LAMB4: variants seen among roughly 807,000 people sequenced by gnomAD.
The protein encoded by LAMB4 is laminin subunit beta 4, also known as laminin subunit beta-4.
In LAMB4, 196 loss-of-function variants were observed where a neutral mutation model predicts 199.2. The observed-to-expected ratio is 0.98, with a 90% CI of 0.88 to 1.11. LAMB4 has a LOEUF of 1.11. Among genes scored for constraint, LAMB4 ranks in the 50% least tolerant of loss-of-function variants. The pLI, the probability that LAMB4 is intolerant of heterozygous loss-of-function variation, is 0.00. For synonymous variants in LAMB4, 744 were observed against 770.6 expected (o/e 0.97, Z 0.57); for missense variants, 2,080 against 2,171.2 (o/e 0.96, Z 0.83).
the LAMB4 span, among the ~76,000 whole-genome samples, chr7:108,018,176 A>C: frequency 6.6e-6 from 1 of 152,266 alleles, no homozygotes; most frequent in East Asian, 1.9e-4. Flanking sequence ...TGCAAGTTTA[A>C]GCTGGTTGTT....
Position 108,065,926 on chromosome 7 carries a change from A to C in LAMB4, c.2679-7T>G, listed in dbSNP as rs1221109344. On this transcript the variant is annotated splice_polypyrimidine_tract_variant and splice_region_variant and intron_variant, in intron 20 of 33. Transcript: ENST00000388781. ...ATAGTAACCATCAATACACCTGTCA[A>C]GACAATTTCCTTTCACCAAAATGTT... The C allele has an allele frequency of 6.2e-7, 1 of 1,607,994 alleles. No individual in the cohort carries two copies. The highest frequency in any genetic ancestry group is 2.2e-5 in the East Asian group (1 of 44,862).
chr7:108,015,793 C>A, the LAMB4 span, among the ~76,000 whole-genome samples: 1 of 137,576 alleles, frequency 7.3e-6, no homozygotes, highest in African/African-American at 2.7e-5. Context: ...TAAAACAATC[C>A]TATTGAATGT....
At chr7:108,024,876 C>T (rs747173270) in intron 33 of LAMB4, among the ~76,000 whole-genome samples, 6 of 152,160 alleles carry the variant, frequency 3.9e-5, no homozygotes, top group African/African-American at 1.2e-4. Flanking sequence ...TAGAGAGCTA[C>T]AGTTAATAAT....
chr7:108,129,776 G>A (rs140044690), intron 1 of LAMB4, among the ~76,000 whole-genome samples: 96 of 152,252 alleles, frequency 6.3e-4, no homozygotes, highest in African/African-American at 1.5e-3. Context: ...CAATTTGCCT[G>A]CCTCGGCCTC....
chr7:108,035,755 A>G (rs1221653000), intron 30 of LAMB4, among the ~76,000 whole-genome samples: 4 of 151,368 alleles, frequency 2.6e-5, no homozygotes, highest in Non-Finnish European at 5.9e-5. Flanking sequence ...CCTGCTTTTT[A>G]TTTTCAACTT....
In LAMB4 at chr7:108,065,839, T is replaced by C; in HGVS notation, c.2759A>G (p.Asn920Ser). ...ATAACAGGAATGGGCAAAATACTGA[T>C]TGCTTGAGGGATCATCTGGACACAG... ...PCLCPDDPSS[N>S]QYFAHSCYQN... The change falls in exon 21 of 34, where the codon AAT becomes AGT. Residue 920 changes from asparagine to serine, a missense_variant. Transcript: ENST00000388781. 1.9e-6 allele frequency: 3 copies of C among 1,614,082 alleles called. No homozygotes were observed. In the Admixed American group the frequency reaches 5.0e-5, roughly 27 times the overall value.
chr7:108,034,986 T>C (rs2035172223), intron 30 of LAMB4, among the ~76,000 whole-genome samples: 1 of 152,210 alleles, frequency 6.6e-6, no homozygotes. Context: ...AGACAGACCT[T>C]TGCAGAAGCA....
At chr7:108,080,316 G>A (rs919470784) in intron 14 of LAMB4, among the ~76,000 whole-genome samples, 8 of 152,124 alleles carry the variant, frequency 5.3e-5, no homozygotes, top group African/African-American at 1.7e-4. Flanking sequence ...ATCCCTGACG[G>A]TCTCTATACT....
Position 108,049,497 on chromosome 7 carries a change from T to C in LAMB4, c.3951A>G (p.Ile1317Met), listed in dbSNP as rs777938826. Residue 1317 changes from isoleucine (I) to methionine (M), a missense_variant, in exon 27 of 34, where the codon ATA becomes ATG. By Grantham distance (10) the Ile-to-Met change is conservative. Transcript: ENST00000388781. ...TAATTTTCTTTTCAGCAGATGATGA[T>C]ATGTGATAATATTTCTTGATGTTTT... ...SSENIKKYYH[I>M]SSSAEKKINE... 5 of 1,605,882 alleles carry C rather than the reference T, an allele frequency of 3.1e-6. No homozygotes were observed. Among genetic ancestry groups the C allele is most frequent in the South Asian group, 1.1e-5 (1 of 90,732 alleles).
chr7:108,028,147 T>C (rs2034902475), intron 33 of LAMB4, among the ~76,000 whole-genome samples: 1 of 152,196 alleles, frequency 6.6e-6, no homozygotes, highest in African/African-American at 2.4e-5. Context: ...AATCCTTGTC[T>C]AGAATATGAT....
At chr7:108,080,411 C>T (rs1002931540) in intron 14 of LAMB4, among the ~76,000 whole-genome samples, 5 of 152,230 alleles carry the variant, frequency 3.3e-5, no homozygotes, top group Admixed American at 2.6e-4. Context: ...TCACAGCCTC[C>T]GCTCAAATTC....
rs145390250 is a variant in LAMB4 at position 108,045,398 on chromosome 7, T to A, written c.4327-1502A>T. 3.0e-3 allele frequency among the ~76,000 whole-genome samples: 455 copies of A among 152,306 alleles called. 2 individuals are homozygous for A. Among genetic ancestry groups the A allele is most frequent in the African/African-American group, 0.011 (444 of 41,548 alleles). On this transcript the variant is annotated intron_variant, in intron 28 of 33. Transcript: ENST00000388781. Reference sequence around the variant, plus strand: ...GACTCCTGAGAATTCTCTCACAATCTCTTCTGGCACTCTTCCTCCTTCTAA... The same window carrying A: ...GACTCCTGAGAATTCTCTCACAATCACTTCTGGCACTCTTCCTCCTTCTAA...
intron 21 of LAMB4, among the ~76,000 whole-genome samples, chr7:108,064,927 C>A (rs1472278196): frequency 7.3e-6 from 1 of 136,096 alleles, no homozygotes; most frequent in Non-Finnish European, 1.5e-5. Context: ...GAGACAGGGT[C>A]TTGCTCTGTT....
chr7:108,017,370 A>G, the LAMB4 span, among the ~76,000 whole-genome samples: 5 of 152,218 alleles, frequency 3.3e-5, no homozygotes, highest in African/African-American at 1.2e-4. Context: ...AAGAAAAAAT[A>G]AATTGCTTTT....
chr7:108,028,623 C>A (rs1015165222), intron 33 of LAMB4, among the ~76,000 whole-genome samples: 1 of 151,640 alleles, frequency 6.6e-6, no homozygotes, highest in Non-Finnish European at 1.5e-5. Context: ...ATTACAGGCA[C>A]CCACCACCAC....
chr7:108,034,144 A>G, intron 31 of LAMB4, 64 bp downstream of exon 31: 1 of 1,502,238 alleles, frequency 6.7e-7, no homozygotes, highest in South Asian at 1.1e-5. Context: ...GGCATACATA[A>G]AAAGCACTGT....
chr7:108,028,913 T>C, intron 33 of LAMB4, 130 bp downstream of exon 33: 1 of 841,090 alleles, frequency 1.2e-6, no homozygotes, highest in Non-Finnish European at 1.8e-6. Context: ...ACAAGACCAA[T>C]TTCTACTTCT....
chr7:108,129,269 GCTC>G (rs147044143), intron 1 of LAMB4, among the ~76,000 whole-genome samples: 2,584 of 152,226 alleles, frequency 0.017, 59 homozygotes, highest in African/African-American at 0.055. Flanking sequence ...CATGCATTCC[GCTC>G]CTGTTTCTAC....
intron 10 of LAMB4, 62 bp downstream of exon 10, chr7:108,102,982 G>T: frequency 1.4e-6 from 2 of 1,436,408 alleles, no homozygotes; most frequent in South Asian, 1.4e-5. Flanking sequence ...GGCAGCCCCA[G>T]TAAGATCAAA....
Sources: allele counts gnomAD v4.1 joint callset (sites outside exome capture counted in the v4.1 genomes callset), GRCh38; gene constraint gnomAD v4.1.1; transcripts MANE v1.5; gene names NCBI Gene and HGNC (gene_info 2026-07-23, HGNC 2026-07-21).